The following GSK3B variants were observed in gnomAD, a reference collection of about 807,000 sequenced individuals.
GSK3B encodes the protein glycogen synthase kinase-3 beta.
A neutral mutation model predicts 56.4 loss-of-function variants in GSK3B; 15 were observed. That is an observed-to-expected ratio of 0.27 (90% CI 0.18 to 0.41). The LOEUF is 0.41. Among genes scored for constraint, GSK3B ranks in the 10% least tolerant of loss-of-function variants. GSK3B has a pLI of 1.00. For missense variants in GSK3B, 300 were observed against 513.4 expected (o/e 0.58, Z 4.02); for synonymous variants, 181 against 188.9 (o/e 0.96, Z 0.34).
At chr3:120,033,121 T>C (rs186445277) in intron 1 of GSK3B, among the ~76,000 whole-genome samples, 2 of 152,354 alleles carry the variant, frequency 1.3e-5, no homozygotes, top group African/African-American at 4.8e-5. Context: ...TCTTTTGTGC[T>C]TGGCTTCTTT....
Position 120,057,408 on chromosome 3 carries a change from T to C in GSK3B, c.88+35939A>G, listed in dbSNP as rs115109739. Among the ~76,000 whole-genome samples the C allele has an allele frequency of 3.5e-3, 529 of 152,278 alleles. 4 individuals carry two copies. The highest frequency in any genetic ancestry group is 0.012 in the African/African-American group (518 of 41,558). ...ACTCTTCAACCAACCAACTCTATCC[T>C]AATCAGATAAGAACATAGGTAAAGT... On this transcript the variant is annotated intron_variant, in intron 1 of 10. Coordinates refer to ENST00000264235, the MANE Select transcript of GSK3B (RefSeq NM_001146156.2).
intron 2 of GSK3B, among the ~76,000 whole-genome samples, chr3:119,994,278 T>G (rs1191162452): frequency 6.6e-6 from 1 of 152,106 alleles, no homozygotes; most frequent in South Asian, 2.1e-4. Flanking sequence ...GTCCGTATGA[T>G]ATATAAAATT....
At chr3:119,888,959 T>G (rs2056470959) in intron 7 of GSK3B, among the ~76,000 whole-genome samples, 1 of 152,064 alleles carries the variant, frequency 6.6e-6, no homozygotes, top group Non-Finnish European at 1.5e-5. Flanking sequence ...TCAGACCAGT[T>G]CTCTGCTCTC....
chr3:119,851,130 G>A (rs2055924412), intron 9 of GSK3B, among the ~76,000 whole-genome samples: 1 of 152,154 alleles, frequency 6.6e-6, no homozygotes, highest in South Asian at 2.1e-4. Context: ...ATAATTATGT[G>A]TTCCATAATT....
intron 7 of GSK3B, among the ~76,000 whole-genome samples, chr3:119,901,348 A>C (rs1236017094): frequency 6.6e-6 from 1 of 152,182 alleles, no homozygotes; most frequent in Non-Finnish European, 1.5e-5. Flanking sequence ...TGAAATGCTG[A>C]TCTGACAATT....
At chr3:119,828,079 T>G (rs193075713) in intron 10 of GSK3B, among the ~76,000 whole-genome samples, 30 of 152,272 alleles carry the variant, frequency 2.0e-4, no homozygotes, top group Non-Finnish European at 3.5e-4. Flanking sequence ...AGGTAACCCA[T>G]AAATATATAC....
At position 120,036,661 on chromosome 3, in the gene GSK3B, C is replaced by T. The variant is rs561526054; in HGVS notation, c.89-34422G>A. Among the ~76,000 whole-genome samples the T allele has an allele frequency of 5.9e-5, 9 of 151,838 alleles. No homozygotes were observed. In the East Asian group the frequency reaches 9.7e-4, roughly 16 times the overall value. ...TACAAAAATTAGGTGGGCATGGTGG[C>T]GGGCACCTGAAATCCCAGCTCATCA... On this transcript the variant is annotated intron_variant, in intron 1 of 10. Transcript: ENST00000264235.
At chr3:119,903,350 AACTT>A (rs773961101) in intron 7 of GSK3B, among the ~76,000 whole-genome samples, 23 of 152,310 alleles carry the variant, frequency 1.5e-4, no homozygotes, top group Non-Finnish European at 2.4e-4. Flanking sequence ...GTGATTTTGG[AACTT>A]ACTTACTATA....
chr3:119,954,484 A>G (rs2057192998), intron 2 of GSK3B, among the ~76,000 whole-genome samples: 1 of 152,198 alleles, frequency 6.6e-6, no homozygotes, highest in East Asian at 1.9e-4. Context: ...TTAAGGTCAT[A>G]GTTAGAAATT....
At chr3:120,010,098 A>C (rs2057764936) in intron 1 of GSK3B, among the ~76,000 whole-genome samples, 1 of 152,202 alleles carries the variant, frequency 6.6e-6, no homozygotes, top group Non-Finnish European at 1.5e-5. Context: ...ATATGCTTTA[A>C]ATGCACACAA....
At position 120,094,387 on chromosome 3, in the gene GSK3B, C is replaced by A; in HGVS notation, c.-953G>T. On this transcript the variant is annotated 5_prime_UTR_variant, in exon 1 of 11. Coordinates refer to ENST00000264235, the MANE Select transcript of GSK3B (RefSeq NM_001146156.2). ...TCCTTCCTTTGTCACTTGGCCCGGG[C>A]GGCGGCGGCGGCGGCGGCGGCACAA... 3.8e-6 allele frequency: 1 copy of A among 265,268 alleles called. No homozygotes were observed. The highest frequency in any genetic ancestry group is 7.1e-6 in the Non-Finnish European group (1 of 140,962). 16.4% of individuals were successfully genotyped at this position (265,268 alleles called of 1,614,324 possible). A position where few individuals can be genotyped will look rare whatever the true frequency, so the allele number is the denominator to read the frequency against.
At position 119,821,831 on chromosome 3, in the gene GSK3B, A is replaced by G. The variant is rs2055413789; in HGVS notation, c.*4957T>C. ...GTATTGATATCTTGTTCTGTATAACAAAGATTAATGTTTCCCTAATTAGAG... is the reference window on the plus strand; with the variant it reads ...GTATTGATATCTTGTTCTGTATAACGAAGATTAATGTTTCCCTAATTAGAG... On this transcript the variant is annotated 3_prime_UTR_variant, in exon 11 of 11. Coordinates refer to ENST00000264235, the MANE Select transcript of GSK3B (RefSeq NM_001146156.2). 1.2e-5 allele frequency: 2 copies of G among 169,516 alleles called. No individual in the cohort carries two copies. The highest frequency in any genetic ancestry group is 1.1e-4 in the East Asian group (1 of 8,798). 10.5% of individuals were successfully genotyped at this position (169,516 alleles called of 1,614,324 possible).
intron 2 of GSK3B, among the ~76,000 whole-genome samples, chr3:119,951,265 AG>A (rs2057153750): frequency 6.6e-6 from 1 of 152,240 alleles, no homozygotes; most frequent in African/African-American, 2.4e-5. Context: ...ACTCACATAT[AG>A]GATCATCAAA....
At chr3:120,072,905 G>A (rs1386765810) in intron 1 of GSK3B, among the ~76,000 whole-genome samples, 1 of 152,064 alleles carries the variant, frequency 6.6e-6, no homozygotes, top group Non-Finnish European at 1.5e-5. Flanking sequence ...CGCAAAATTG[G>A]TGCCTTCAAG....
At chr3:120,085,630 T>A (rs1303763867) in intron 1 of GSK3B, among the ~76,000 whole-genome samples, 1 of 152,182 alleles carries the variant, frequency 6.6e-6, no homozygotes, top group Non-Finnish European at 1.5e-5. Flanking sequence ...TGAAACCCCA[T>A]CTCTACTACA....
At chr3:119,922,198 T>TAGGGAAGG (rs1559837809) in intron 4 of GSK3B, among the ~76,000 whole-genome samples, 7 of 90,576 alleles carry the variant, frequency 7.7e-5, no homozygotes, top group African/African-American at 2.9e-4. Context: ...GGTAGGTAGG[T>TAGGGAAGG]AGGGAAGGAG....
chr3:119,879,923 T>A (rs1390803638), intron 7 of GSK3B, among the ~76,000 whole-genome samples: 1 of 152,216 alleles, frequency 6.6e-6, no homozygotes, highest in African/African-American at 2.4e-5. Context: ...AGTGCTGCAA[T>A]AAACATAGGA....
At chr3:119,966,803 A>C (rs1019549693) in intron 2 of GSK3B, among the ~76,000 whole-genome samples, 5 of 152,196 alleles carry the variant, frequency 3.3e-5, no homozygotes, top group African/African-American at 1.2e-4. Flanking sequence ...TTAACATTAC[A>C]TACTGAAAAG....
chr3:120,028,476 C>G (rs961808091), intron 1 of GSK3B, among the ~76,000 whole-genome samples: 35 of 152,180 alleles, frequency 2.3e-4, no homozygotes, highest in African/African-American at 8.2e-4. Context: ...CTATCAACAC[C>G]TCATATCCTT....
Sources: allele counts gnomAD v4.1 joint callset (sites outside exome capture counted in the v4.1 genomes callset), GRCh38; gene constraint gnomAD v4.1.1; transcripts MANE v1.5; gene names NCBI Gene and HGNC (gene_info 2026-07-23, HGNC 2026-07-21).